Variants in PCID2 observed in about 807,000 individuals in gnomAD.
PCID2 encodes the protein PCI domain containing 2, also known as PCI domain-containing protein 2.
A neutral mutation model predicts 61.3 loss-of-function variants in PCID2; 41 were observed. The ratio of observed to expected loss-of-function variants is 0.67; its 90% CI spans 0.52 to 0.87. The LOEUF (loss-of-function observed/expected upper bound fraction) is 0.87, where lower values mean the gene tolerates loss of function less well. PCID2 is among the 40% of genes least tolerant of loss of function. The pLI is 0.00. For synonymous variants in PCID2, 187 were observed against 177.8 expected (o/e 1.05, Z -0.41); for missense variants, 392 against 493.4 (o/e 0.79, Z 1.95).
At chr13:113,197,032 C>CT in intron 4 of PCID2, 146 bp downstream of exon 4, 1 of 1,613,652 alleles carries the variant, frequency 6.2e-7, no homozygotes, top group Non-Finnish European at 8.5e-7. Context: ...AGTGAAAGAG[C>CT]TGAAACGAGC....
At chr13:113,165,707 T>C in the PCID2 span, among the ~76,000 whole-genome samples, 2 of 152,146 alleles carry the variant, frequency 1.3e-5, no homozygotes, top group Non-Finnish European at 2.9e-5. Context: ...ATTTTTATAT[T>C]TTTAGTAGAG....
chr13:113,204,514 T>A (rs2039658933), intron 1 of PCID2, among the ~76,000 whole-genome samples: 1 of 152,132 alleles, frequency 6.6e-6, no homozygotes, highest in African/African-American at 2.4e-5. Flanking sequence ...CCCAGGGTGG[T>A]CCCTGCACAT....
At position 113,185,742 on chromosome 13, in the gene PCID2, G is replaced by A. The variant is rs2038052928; in HGVS notation, c.468-182C>T. The A allele has an allele frequency of 1.9e-5, 9 of 479,144 alleles. No homozygotes were observed. In the East Asian group the frequency reaches 2.8e-4, roughly 15 times the overall value. The allele number at this position is 479,144 out of a possible 1,614,324, so 29.7% of individuals were successfully genotyped here. Reference sequence around the variant, plus strand: ...ACAAAATAACATTATGAAAAAAGATGTCTTACCTGATGGGTAAAAATAAAA... The same window carrying A: ...ACAAAATAACATTATGAAAAAAGATATCTTACCTGATGGGTAAAAATAAAA... On this transcript the variant is annotated intron_variant, in intron 7 of 13. Coordinates refer to ENST00000337344, the MANE Select transcript of PCID2 (RefSeq NM_001127202.4).
chr13:113,170,994 C>T, the PCID2 span, among the ~76,000 whole-genome samples: 1 of 151,914 alleles, frequency 6.6e-6, no homozygotes, highest in African/African-American at 2.4e-5. Context: ...ATGATCCAGG[C>T]TCACTGCAAC....
intron 7 of PCID2, among the ~76,000 whole-genome samples, chr13:113,189,597 G>GA (rs746320570): frequency 1.3e-5 from 2 of 150,148 alleles, no homozygotes; most frequent in African/African-American, 4.9e-5. Context: ...AGTTTTAGAA[G>GA]AAAAAATGGA....
At chr13:113,193,855 T>C (rs1379504273) in intron 6 of PCID2, among the ~76,000 whole-genome samples, 1 of 152,228 alleles carries the variant, frequency 6.6e-6, no homozygotes, top group African/African-American at 2.4e-5. Context: ...TCTTGTCACA[T>C]AATTCCAACA....
chr13:113,187,331 T>C (rs2038206663), intron 7 of PCID2: 1 of 152,188 alleles, frequency 6.6e-6, no homozygotes, highest in South Asian at 2.1e-4. Context: ...GTCTTCTGAG[T>C]GTCCCCTCAG....
At chr13:113,197,092 T>C (rs760267113) in intron 4 of PCID2, 86 bp downstream of exon 4, 1 of 1,614,232 alleles carries the variant, frequency 6.2e-7, no homozygotes, top group Admixed American at 1.7e-5. Flanking sequence ...AATGAGCAAC[T>C]GGCCCAGTGT....
At chr13:113,180,352 A>G (rs2037522648) in intron 10 of PCID2, 121 bp from the exon 11 acceptor site, 1 of 741,782 alleles carries the variant, frequency 1.3e-6, no homozygotes, top group Non-Finnish European at 2.3e-6. Context: ...TAGAATGTCC[A>G]TGGATTAAAC....
chr13:113,197,257 A>G lies in PCID2; in HGVS notation c.201-14T>C. 6.4e-7 allele frequency: 1 copy of G among 1,572,100 alleles called. No individual in the cohort carries two copies. The highest frequency in any genetic ancestry group is 1.7e-5 in the Admixed American group (1 of 59,974). On this transcript the variant is annotated splice_polypyrimidine_tract_variant and intron_variant, in intron 3 of 13. Coordinates refer to ENST00000337344, the MANE Select transcript of PCID2 (RefSeq NM_001127202.4). ...GCATAAGTGCACCTGGAGGAGAAAC[A>G]GAAACATGCTGTCACACAATAAAAA...
At chr13:113,171,827 G>A in the PCID2 span, 2 of 1,613,612 alleles carry the variant, frequency 1.2e-6, no homozygotes, top group Middle Eastern at 1.6e-4. The surrounding 1 kb of genome is among the most constrained non-coding windows in gnomAD (Gnocchi z 5.1). Flanking sequence ...CAATGGCACT[G>A]ACCTGGGCAA....
intron 1 of PCID2, 123 bp from the exon 2 acceptor site, chr13:113,200,639 G>C: frequency 1.7e-5 from 9 of 523,860 alleles, no homozygotes; most frequent in Non-Finnish European, 1.0e-5. Flanking sequence ...AAAGAAGACA[G>C]AACAATCAAA....
the PCID2 span, chr13:113,172,113 T>C: frequency 6.2e-7 from 1 of 1,611,934 alleles, no homozygotes. Flanking sequence ...TAACTGAAAC[T>C]CAGCTAGCCA....
the PCID2 span, chr13:113,165,224 G>T: frequency 8.3e-7 from 1 of 1,200,012 alleles, no homozygotes; most frequent in South Asian, 1.3e-5. Flanking sequence ...CAGGCATCCT[G>T]ACTTTGATGG....
At chr13:113,171,730 G>A in the PCID2 span, 14 of 1,612,376 alleles carry the variant, frequency 8.7e-6, no homozygotes, top group East Asian at 4.5e-5. This position sits in a 1 kb window ranked among gnomAD's most constrained non-coding sequence, Gnocchi z 5.1. Context: ...GCCCAGGTGC[G>A]GGGCTCCCCG....
At chr13:113,205,843 T>C (rs1394352577) in intron 1 of PCID2, among the ~76,000 whole-genome samples, 14 of 152,230 alleles carry the variant, frequency 9.2e-5, no homozygotes. Context: ...TTAATGCTTA[T>C]GACATTTCCA....
the PCID2 span, chr13:113,171,956 A>C: frequency 6.2e-7 from 1 of 1,613,510 alleles, no homozygotes. This position sits in a 1 kb window ranked among gnomAD's most constrained non-coding sequence, Gnocchi z 5.1. Context: ...CATGCACTGG[A>C]TGGATGGAAG....
At chr13:113,205,647 C>A (rs1212076097) in intron 1 of PCID2, among the ~76,000 whole-genome samples, 1 of 152,150 alleles carries the variant, frequency 6.6e-6, no homozygotes, top group East Asian at 1.9e-4. Context: ...AATGGAATAT[C>A]ATTAGCCATA....
intron 8 of PCID2, among the ~76,000 whole-genome samples, chr13:113,184,719 G>A (rs2037944501): frequency 1.3e-5 from 2 of 152,258 alleles, no homozygotes; most frequent in African/African-American, 2.4e-5. Context: ...TGCTGGTGGA[G>A]GCTCTGGGAA....
Sources: gnomAD v4.1 joint callset for allele counts (sites outside exome capture counted in the v4.1 genomes callset) on GRCh38, gnomAD v4.1.1 for gene constraint, Gnocchi (gnomAD v3.1) non-coding constraint, MANE v1.5 for transcripts, NCBI Gene and HGNC (gene_info 2026-07-23, HGNC 2026-07-21) for gene names.